The following TAGAP variants were observed in gnomAD, a reference collection of about 807,000 sequenced individuals.
The protein encoded by TAGAP is T-cell activation Rho GTPase-activating protein.
Under a neutral mutation model 36.0 loss-of-function variants are expected in TAGAP, and 16 were observed. The ratio of observed to expected loss-of-function variants is 0.44; its 90% CI spans 0.30 to 0.68. TAGAP has a LOEUF of 0.68. TAGAP is among the 30% of genes least tolerant of loss of function. The probability of loss-of-function intolerance (pLI) is 0.09; values close to 1 mark genes in which losing one functional copy is unlikely to be tolerated. For missense variants in TAGAP, 794 were observed against 921.5 expected, an observed-to-expected ratio of 0.86 and a Z score of 1.79; for synonymous variants, 372 against 377.4, an observed-to-expected ratio of 0.99 and a Z score of 0.17.
Position 159,040,725 on chromosome 6 carries a change from T to C in TAGAP, c.585A>G (p.Lys195=). The stretch of plus-strand genomic sequence containing the variant: ...GACCGATGACTTTGATGACTTACTG[T>C]TTCAGGGCCTCGATTCTGTCCTCCT... ...QDEEDRIEAL[K]QVADKLPRPN... Residue 195 remains lysine (K), a splice_region_variant and synonymous_variant, in exon 7 of 10, where the codon AAA becomes AAG. Transcript: ENST00000367066. The C allele has an allele frequency of 6.2e-7, 1 of 1,613,832 alleles. No homozygotes were observed. The highest frequency in any genetic ancestry group is 1.7e-5 in the Admixed American group (1 of 60,012).
At chr6:159,038,082 C>A in intron 9 of TAGAP, 32 bp downstream of exon 9, 1 of 1,439,280 alleles carries the variant, frequency 6.9e-7, no homozygotes, top group Non-Finnish European at 9.7e-7. Context: ...CTTTTCCCTA[C>A]AATCGTAATC....
At chr6:159,042,329 G>A (rs920116926) in intron 4 of TAGAP, 85 bp from the exon 5 acceptor site, 2 of 1,536,382 alleles carry the variant, frequency 1.3e-6, no homozygotes, top group Non-Finnish European at 1.7e-6. Context: ...GGGTATCGTT[G>A]GCCGCATAAT....
chr6:159,035,619 A>T lies in TAGAP; in HGVS notation c.*208T>A. The T allele has an allele frequency of 1.9e-6, 1 of 526,472 alleles. No individual in the cohort carries two copies. The highest frequency in any genetic ancestry group is 3.4e-6 in the Non-Finnish European group (1 of 297,136). The allele number at this position is 526,472 out of a possible 1,614,324, so 32.6% of individuals were successfully genotyped here. On this transcript the variant is annotated 3_prime_UTR_variant, in exon 10 of 10. Coordinates refer to ENST00000367066, the MANE Select transcript of TAGAP (RefSeq NM_054114.5). ...TAACACCTTATCTATAATACATTTG[A>T]TACATTTTTACATATTGCACAAATC... is the stretch of plus-strand genomic sequence containing the variant.
intron 3 of TAGAP, 109 bp downstream of exon 3, chr6:159,043,869 T>G: frequency 9.3e-7 from 1 of 1,074,922 alleles, no homozygotes; most frequent in Non-Finnish European, 1.4e-6. Flanking sequence ...TGTGTGATGT[T>G]AGTTTACTAC....
rs1208233272 is a variant in TAGAP, at chr6:159,035,600, C to A, written c.*227G>T. 6 of 469,598 alleles carry A rather than the reference C, an allele frequency of 1.3e-5. No individual in the cohort carries two copies. Among genetic ancestry groups the A allele is most frequent in the Non-Finnish European group, 2.3e-5 (6 of 263,434 alleles). The allele number at this position is 469,598 out of a possible 1,614,324, so 29.1% of individuals were successfully genotyped here. A position where few individuals can be genotyped will look rare whatever the true frequency, so the allele number is the denominator to read the frequency against. On this transcript the variant is annotated 3_prime_UTR_variant, in exon 10 of 10. Coordinates refer to ENST00000367066, the MANE Select transcript of TAGAP (RefSeq NM_054114.5). ...ATTAGACATCCTTTGCACCTAACAC[C>A]TTATCTATAATACATTTGATACATT...
In TAGAP at chr6:159,038,221, G is replaced by GTCT; in HGVS notation, c.788_790dup (p.Lys263dup). 6.5e-7 allele frequency: 1 copy of GTCT among 1,530,534 alleles called. No individual in the cohort carries two copies. The highest frequency in any genetic ancestry group is 9.0e-7 in the Non-Finnish European group (1 of 1,111,102). 94.8% of individuals were successfully genotyped at this position (1,530,534 alleles called of 1,614,324 possible). ...GTTATCAATGAGGAATTCCACCAGTGTCTTCACCTGTGAGGAAAAGTAAGC... is the reference window on the plus strand; with the variant it reads ...GTTATCAATGAGGAATTCCACCAGTGTCTTCTTCACCTGTGAGGAAAAGTAAGC... On this transcript the variant is annotated inframe_insertion, in exon 9 of 10. Transcript: ENST00000367066.
rs1330828468 is a variant in TAGAP, at chr6:159,044,218, C to T, written c.-58-14G>A. ...CTGTGCCTCTGTCTACAACGAATCA[C>T]ATGGAAAGGAGTTAGGAGGGACTCA... On this transcript the variant is annotated splice_polypyrimidine_tract_variant and intron_variant, in intron 1 of 9. Coordinates refer to ENST00000367066, the MANE Select transcript of TAGAP (RefSeq NM_054114.5). 42 of 1,560,500 alleles carry T rather than the reference C, an allele frequency of 2.7e-5. No individual in the cohort carries two copies. Among genetic ancestry groups the T allele is most frequent in the Non-Finnish European group, 2.0e-5 (23 of 1,153,620 alleles).
rs750735937 is a variant in TAGAP, at chr6:159,037,162, GTTTA to G, written c.899-42_899-39del. The G allele has an allele frequency of 3.6e-5, 54 of 1,486,626 alleles. No homozygotes were observed. The highest frequency in any genetic ancestry group is 9.1e-5 in the South Asian group (7 of 76,794). 92.1% of individuals were successfully genotyped at this position (1,486,626 alleles called of 1,614,324 possible). A position where few individuals can be genotyped will look rare whatever the true frequency, so the allele number is the denominator to read the frequency against. On this transcript the variant is annotated intron_variant, in intron 9 of 9. Transcript: ENST00000367066. This position sits in a 1 kb window ranked among gnomAD's most constrained non-coding sequence, Gnocchi z 5.1. ...AAGCAGCAGTTGAACATTTGTTTGG[GTTTA>G]TTTATTTATTTATTTTTATTTGTAT...
Position 159,041,782 on chromosome 6 carries a change from C to T in TAGAP, c.316-267G>A, listed in dbSNP as rs565677019. ...TCACAAAGTCTATATTCTGTTTCCCCCTTTTGACTTTTCAGAAGCTACAAA... is the reference window on the plus strand; with the variant it reads ...TCACAAAGTCTATATTCTGTTTCCCTCTTTTGACTTTTCAGAAGCTACAAA... On this transcript the variant is annotated intron_variant, in intron 5 of 9. Transcript: ENST00000367066. This position sits in a 1 kb window ranked among gnomAD's most constrained non-coding sequence, Gnocchi z 4.1. 2 of 535,414 alleles carry T rather than the reference C, an allele frequency of 3.7e-6. No individual in the cohort carries two copies. The highest frequency in any genetic ancestry group is 5.5e-5 in the South Asian group (2 of 36,518). The allele number at this position is 535,414 out of a possible 1,614,324, so 33.2% of individuals were successfully genotyped here.
intron 6 of TAGAP, 93 bp from the exon 7 acceptor site, chr6:159,040,925 C>T (rs1779725519): frequency 1.1e-6 from 1 of 897,060 alleles, no homozygotes; most frequent in Non-Finnish European, 1.8e-6. Flanking sequence ...GCAGGGTGCT[C>T]TATGCTTAGC....
chr6:159,038,852 G>T (rs1779652015), intron 8 of TAGAP: 1 of 1,312,194 alleles, frequency 7.6e-7, no homozygotes, highest in Non-Finnish European at 9.8e-7. Context: ...AAAACAAAAG[G>T]GCTTTTTTAT....
At chr6:159,039,012 C>T in intron 8 of TAGAP, 102 bp downstream of exon 8, 6 of 1,589,960 alleles carry the variant, frequency 3.8e-6, no homozygotes, top group Middle Eastern at 1.7e-4. Context: ...CACTGTGATT[C>T]TGAGTCAGTT....
chr6:159,041,846 C>T lies in TAGAP; in HGVS notation c.315+232G>A, dbSNP rs1425161527. ...CCACTCTGTGAAGTCAGAGGAATGG[C>T]GGGACCATAGCTCTGAGCTCATTGG... On this transcript the variant is annotated intron_variant, in intron 5 of 9. Transcript: ENST00000367066. The surrounding 1 kb of genome is among the most constrained non-coding windows in gnomAD (Gnocchi z 4.1). 6.7e-5 allele frequency: 38 copies of T among 567,924 alleles called. No individual in the cohort carries two copies. The highest frequency in any genetic ancestry group is 4.1e-4 in the South Asian group (17 of 41,398). The allele number at this position is 567,924 out of a possible 1,614,324, so 35.2% of individuals were successfully genotyped here. A position where few individuals can be genotyped will look rare whatever the true frequency, so the allele number is the denominator to read the frequency against.
In TAGAP at chr6:159,039,103, G is replaced by A. The variant is rs992444254; in HGVS notation, c.783+11C>T. On this transcript the variant is annotated intron_variant, in intron 8 of 9. Transcript: ENST00000367066. ...TAAGTTGGGGATTTCTCATCAGTAA[G>A]CAGAACAAACCTTGTTGTTCAGGTC... The A allele has an allele frequency of 1.9e-6, 3 of 1,614,062 alleles. No homozygotes were observed. The African/African-American group carries it at 4.0e-5, about 22-fold the overall frequency.
At position 159,042,212 on chromosome 6, in the gene TAGAP, G is replaced by A; in HGVS notation, c.181C>T (p.Pro61Ser). The change falls in exon 5 of 10, where the codon CCC becomes TCC. Residue 61 changes from proline (P) to serine (S), a missense_variant. Physicochemically the swap from Pro to Ser is moderately conservative, Grantham distance 74 (BLOSUM62 -1). Coordinates refer to ENST00000367066, the MANE Select transcript of TAGAP (RefSeq NM_054114.5). ...GGGGAGAGCCTTCTCATGAGAAAGGGCCAGGACAGCACCTTCTTTCTCTTC... is the reference window on the plus strand; with the variant it reads ...GGGGAGAGCCTTCTCATGAGAAAGGACCAGGACAGCACCTTCTTTCTCTTC... Reference protein sequence around the residue: ...VKKRKKVLSWPFLMRRLSPAS... With the variant: ...VKKRKKVLSWSFLMRRLSPAS... 2 of 1,613,942 alleles carry A rather than the reference G, an allele frequency of 1.2e-6. No individual in the cohort carries two copies. Among genetic ancestry groups the A allele is most frequent in the Non-Finnish European group, 1.7e-6 (2 of 1,179,956 alleles).
chr6:159,037,118 G>A lies in TAGAP; in HGVS notation c.905C>T (p.Ser302Leu), dbSNP rs762524950. ...GTAGGCTGAGTCATTCTGCAGGGTC[G>A]ACACATCTGGGGGAAGTCAAGCAGC... The part of the protein sequence containing the change: ...SLEHTDSSDV[S>L]TLQNDSAYDS... The change falls in exon 10 of 10, where the codon TCG (serine) becomes TTG (leucine). Residue 302 changes from serine to leucine, a missense_variant. By Grantham distance (145) the Ser-to-Leu change is moderately radical. Transcript: ENST00000367066. This position sits in a 1 kb window ranked among gnomAD's most constrained non-coding sequence, Gnocchi z 5.1. 2.2e-5 allele frequency: 36 copies of A among 1,607,658 alleles called. No individual in the cohort carries two copies. Among genetic ancestry groups the A allele is most frequent in the Non-Finnish European group, 2.7e-5 (32 of 1,179,316 alleles).
In TAGAP at chr6:159,042,262, A is replaced by G. The variant is rs1432303162; in HGVS notation, c.149-18T>C. ...CTTAACTTCTACAGCCAAGAAAACA[A>G]GGCAACGAGAAAAATTAGACTACAG... On this transcript the variant is annotated intron_variant, in intron 4 of 9. Coordinates refer to ENST00000367066, the MANE Select transcript of TAGAP (RefSeq NM_054114.5). 4.4e-6 allele frequency: 7 copies of G among 1,599,834 alleles called. No individual in the cohort carries two copies. Among genetic ancestry groups the G allele is most frequent in the Non-Finnish European group, 6.0e-6 (7 of 1,174,980 alleles).
Position 159,041,163 on chromosome 6 carries a change from T to G in TAGAP, c.477+191A>C, listed in dbSNP as rs1779733524. 6.8e-6 allele frequency: 5 copies of G among 730,852 alleles called. No homozygotes were observed. In the Admixed American group the frequency reaches 1.5e-4, roughly 22 times the overall value. The allele number at this position is 730,852 out of a possible 1,614,324, so 45.3% of individuals were successfully genotyped here. On this transcript the variant is annotated intron_variant, in intron 6 of 9. Transcript: ENST00000367066. The surrounding 1 kb of genome is among the most constrained non-coding windows in gnomAD (Gnocchi z 4.1). ...TTTGGGAGAGCAGAATGCATCACTT[T>G]CTGTTGGAATCTGAGGTCACAGAAA... is the stretch of plus-strand genomic sequence containing the variant.
rs12190014 is a variant in TAGAP at position 159,035,478 on chromosome 6, C to T, written c.*349G>A. Reference sequence around the variant, plus strand: ...GACATTTGAGGCCACATTAAAAAAGCGAAGATAATTTTTAAACACTAACCA... The same window carrying T: ...GACATTTGAGGCCACATTAAAAAAGTGAAGATAATTTTTAAACACTAACCA... On this transcript the variant is annotated 3_prime_UTR_variant, in exon 10 of 10. Coordinates refer to ENST00000367066, the MANE Select transcript of TAGAP (RefSeq NM_054114.5). The T allele has an allele frequency of 0.016, 2,788 of 176,038 alleles. 32 individuals are homozygous for T. Among genetic ancestry groups the T allele is most frequent in the Non-Finnish European group, 0.022 (1,870 of 83,436 alleles). The allele number at this position is 176,038 out of a possible 1,614,324, so 10.9% of individuals were successfully genotyped here. A position where few individuals can be genotyped will look rare whatever the true frequency, so the allele number is the denominator to read the frequency against.
Sources: gnomAD v4.1 joint callset for allele counts on GRCh38, gnomAD v4.1.1 for gene constraint, Gnocchi (gnomAD v3.1) non-coding constraint, MANE v1.5 for transcripts, NCBI Gene and HGNC (gene_info 2026-07-23, HGNC 2026-07-21) for gene names.